Variants in ERC2 observed in about 807,000 individuals in gnomAD.
ERC2 encodes the protein ELKS/RAB6-interacting/CAST family member 2, also known as ERC protein 2.
In ERC2, 42 loss-of-function variants were observed where a neutral mutation model predicts 114.8. That is an observed-to-expected ratio of 0.37 (90% CI 0.29 to 0.47). The LOEUF (loss-of-function observed/expected upper bound fraction) is 0.47, where lower values mean the gene tolerates loss of function less well. Among genes scored for constraint, ERC2 ranks in the 20% least tolerant of loss-of-function variants. The probability of loss-of-function intolerance (pLI) is 0.99; values close to 1 mark genes in which losing one functional copy is unlikely to be tolerated. For missense variants in ERC2, 939 were observed against 1,150.7 expected (o/e 0.82, Z 2.66); for synonymous variants, 454 against 425.5 (o/e 1.07, Z -0.82).
Position 56,087,247 on chromosome 3 carries a change from C to T in ERC2, c.1474-6263G>A, listed in dbSNP as rs967176924. Among the ~76,000 whole-genome samples, 130 of 148,656 alleles carry T rather than the reference C, an allele frequency of 8.7e-4. 1 individual carries two copies. The highest frequency in any genetic ancestry group is 3.1e-3 in the African/African-American group (125 of 40,420). On this transcript the variant is annotated intron_variant, in intron 6 of 17. Coordinates refer to ENST00000288221, the MANE Select transcript of ERC2 (RefSeq NM_015576.3). The stretch of plus-strand genomic sequence containing the variant: ...AGCATGTGACATATGAAAATTTAAC[C>T]TTTTATCTGGCAGTATAAAACATAA...
chr3:55,733,790 G>A (rs768614326), intron 15 of ERC2, among the ~76,000 whole-genome samples: 4 of 152,138 alleles, frequency 2.6e-5, no homozygotes, highest in Non-Finnish European at 2.9e-5. Context: ...CAGAGAGCCT[G>A]CCCCAGGGGC....
chr3:55,958,389 G>C (rs182511511), intron 12 of ERC2, among the ~76,000 whole-genome samples: 281 of 152,288 alleles, frequency 1.8e-3, no homozygotes, highest in African/African-American at 6.3e-3. Flanking sequence ...GTGGCCATGG[G>C]CAGGCCCAGA....
intron 16 of ERC2, among the ~76,000 whole-genome samples, chr3:55,687,387 T>G (rs1034753601): frequency 6.6e-6 from 1 of 152,190 alleles, no homozygotes; most frequent in African/African-American, 2.4e-5. Flanking sequence ...ATTTTTTTTT[T>G]TTTTAAAACA....
intron 7 of ERC2, among the ~76,000 whole-genome samples, chr3:56,042,090 A>T (rs374719401): frequency 1.1e-4 from 17 of 152,252 alleles, no homozygotes; most frequent in African/African-American, 4.1e-4. Flanking sequence ...GGCTCCACAC[A>T]ACTACCCCAG....
Position 56,080,840 on chromosome 3 carries a change from T to A in ERC2, c.1618A>T (p.Lys540Ter). Residue 540 changes from lysine to a stop codon, truncating the protein, a stop_gained, in exon 7 of 18, where the codon AAA (lysine) becomes TAA (stop). Transcript: ENST00000288221. LOFTEE classifies it high-confidence loss of function. ...MKDMLEVKERKINVLQKKIEN... is the reference protein window; with the variant it reads ...MKDMLEVKER ...ACCTTTTTCTGAAGAACATTGATTT[T>A]TCTTTCCTTCACTTCTAACATATCT... is the stretch of plus-strand genomic sequence containing the variant. 6.2e-7 allele frequency: 1 copy of A among 1,613,660 alleles called. No individual in the cohort carries two copies. Among genetic ancestry groups the A allele is most frequent in the Non-Finnish European group, 8.5e-7 (1 of 1,179,692 alleles).
chr3:56,213,101 CG>C (rs1046610160), intron 3 of ERC2, among the ~76,000 whole-genome samples: 5 of 152,048 alleles, frequency 3.3e-5, no homozygotes, highest in African/African-American at 1.2e-4. Flanking sequence ...ACGCAGAAGA[CG>C]GGTGGTTACT....
At chr3:55,713,218 AT>A (rs924873803) in intron 15 of ERC2, among the ~76,000 whole-genome samples, 6 of 150,576 alleles carry the variant, frequency 4.0e-5, no homozygotes, top group African/African-American at 1.2e-4. Context: ...TTAAAAAAAA[AT>A]TTTTTTTTGA....
At chr3:56,063,485 G>A (rs74366828) in intron 7 of ERC2, among the ~76,000 whole-genome samples, 1,911 of 152,254 alleles carry the variant, frequency 0.013, 7 homozygotes, top group African/African-American at 0.023. Context: ...AATTTATTGA[G>A]CACCAACAGT....
intron 7 of ERC2, among the ~76,000 whole-genome samples, chr3:56,032,885 A>AAGAAAGAAAGAAAGAAAGAAAGAAAG (rs1553781723): frequency 3.8e-5 from 3 of 79,172 alleles, no homozygotes; most frequent in African/African-American, 1.2e-4. Context: ...GAAAGAAAGA[A>AAGAAAGAAAGAAAGAAAGAAAGAAAG]AGAGAGAGAG....
intron 2 of ERC2, among the ~76,000 whole-genome samples, chr3:56,394,059 A>G (rs920866058): frequency 6.0e-4 from 92 of 152,182 alleles, no homozygotes; most frequent in Non-Finnish European, 2.4e-4. Flanking sequence ...TCTACTAGCT[A>G]AAAGGCATAA....
intron 2 of ERC2, among the ~76,000 whole-genome samples, chr3:56,404,730 AAAAAAAGATATGCAAGACAAGATCTCCT>A (rs925566178): frequency 2.6e-5 from 4 of 152,266 alleles, no homozygotes; most frequent in East Asian, 1.9e-4. Context: ...TAATTTAAAA[AAAAAAAGATATGCAAGACAAGATCTCCT>A]TTTTAAGGGT....
chr3:55,750,982 C>G (rs1262638443), intron 14 of ERC2, among the ~76,000 whole-genome samples: 1 of 152,142 alleles, frequency 6.6e-6, no homozygotes, highest in East Asian at 1.9e-4. Flanking sequence ...CTTGAATAGT[C>G]TTATTTAATA....
chr3:55,850,262 A>G (rs2061515456), intron 14 of ERC2, among the ~76,000 whole-genome samples: 1 of 151,786 alleles, frequency 6.6e-6, no homozygotes, highest in Non-Finnish European at 1.5e-5. Flanking sequence ...CATTAATTAC[A>G]TCTGAAAAGA....
chr3:55,999,707 T>C (rs1279453756), intron 10 of ERC2, among the ~76,000 whole-genome samples: 3 of 151,872 alleles, frequency 2.0e-5, no homozygotes, highest in Admixed American at 1.3e-4. Flanking sequence ...TGGGAAAATA[T>C]TAAACTTCAC....
rs9790006 is a variant in ERC2, at chr3:55,569,103, G to T, written c.*40-57827C>A. On this transcript the variant is annotated intron_variant, in intron 17 of 17. Coordinates refer to ENST00000288221, the MANE Select transcript of ERC2 (RefSeq NM_015576.3). ...AGGAACTTCCAGGTAATGTGGTTGA[G>T]GGGGAGGGGCTGCACATTACCTTTG... is the stretch of plus-strand genomic sequence containing the variant. 1.6e-4 allele frequency among the ~76,000 whole-genome samples: 24 copies of T among 152,258 alleles called. 1 individual carries two copies. The highest frequency in any genetic ancestry group is 5.8e-4 in the African/African-American group (24 of 41,548).
Position 55,887,026 on chromosome 3 carries a change from AG to A in ERC2, c.2564+1362del, listed in dbSNP as rs2063377646. Among the ~76,000 whole-genome samples the A allele has an allele frequency of 7.9e-5, 12 of 152,332 alleles. 1 individual carries two copies. In the South Asian group the frequency reaches 2.5e-3, roughly 32 times the overall value. ...CTGCTCTTGTCTGCATAATGACTAC[AG>A]TGACTCAAACAGACAAAAGTTCTAG... On this transcript the variant is annotated intron_variant, in intron 14 of 17. Coordinates refer to ENST00000288221, the MANE Select transcript of ERC2 (RefSeq NM_015576.3).
At chr3:55,966,682 C>T (rs769827970) in intron 12 of ERC2, among the ~76,000 whole-genome samples, 3 of 152,144 alleles carry the variant, frequency 2.0e-5, no homozygotes, top group Non-Finnish European at 2.9e-5. Context: ...AAATTCATGT[C>T]ACTTTCCTAA....
intron 2 of ERC2, among the ~76,000 whole-genome samples, chr3:56,383,239 CT>C (rs1274880940): frequency 6.6e-6 from 1 of 152,102 alleles, no homozygotes; most frequent in Non-Finnish European, 1.5e-5. Flanking sequence ...CAGAGGAATC[CT>C]GTTAAAACAT....
At chr3:56,255,429 C>T (rs2052451215) in intron 3 of ERC2, among the ~76,000 whole-genome samples, 1 of 152,210 alleles carries the variant, frequency 6.6e-6, no homozygotes, top group Admixed American at 6.5e-5. Flanking sequence ...CGCCACACCA[C>T]ACTGGGGCTT....
Sources: allele counts gnomAD v4.1 joint callset (sites outside exome capture counted in the v4.1 genomes callset), GRCh38; gene constraint gnomAD v4.1.1; transcripts MANE v1.5; gene names NCBI Gene and HGNC (gene_info 2026-07-23, HGNC 2026-07-21).